The following VTI1A variants were observed in gnomAD, a reference collection of about 807,000 sequenced individuals.
VTI1A encodes the protein vesicle transport through interaction with t-SNAREs 1A, also known as vesicle transport through interaction with t-SNAREs homolog 1A.
VTI1A carries 22 observed loss-of-function variants against 34.9 expected under a neutral mutation model. The observed-to-expected ratio is 0.63, with a 90% CI of 0.45 to 0.90. The LOEUF is 0.90. Ranked by LOEUF, VTI1A falls within the 40% of genes least tolerant of loss-of-function variation. The probability of loss-of-function intolerance (pLI) is 0.00; values close to 1 mark genes in which losing one functional copy is unlikely to be tolerated. For synonymous variants in VTI1A, 87 were observed against 97.3 expected (o/e 0.89, Z 0.62); for missense variants, 268 against 275.6 (o/e 0.97, Z 0.20).
At chr10:112,737,072 CTTTTTCT>C in intron 7 of VTI1A, 6 of 389,182 alleles carry the variant, frequency 1.5e-5, no homozygotes, top group African/African-American at 2.1e-5. Flanking sequence ...CTTTTTTTTT[CTTTTTCT>C]TTTTTTTTTT....
rs1847837986 is a variant in VTI1A at position 112,464,642 on chromosome 10, ACTCGAAACAG to A, written c.250_259del (p.Leu84IlefsTer46). On this transcript the variant is annotated frameshift_variant, in exon 3 of 8. Transcript: ENST00000393077. LOFTEE classifies it high-confidence loss of function. ...GAAGCTACAAACAAGAAATGGGAAAACTCGAAACAGATTTTGTGAGTCAAATTCGACCCTT... is the reference window on the plus strand; with the variant it reads ...GAAGCTACAAACAAGAAATGGGAAAAATTTTGTGAGTCAAATTCGACCCTT... 3 of 1,611,192 alleles carry A rather than the reference ACTCGAAACAG, an allele frequency of 1.9e-6. No individual in the cohort carries two copies. The highest frequency in any genetic ancestry group is 2.5e-6 in the Non-Finnish European group (3 of 1,178,386).
chr10:112,784,045 C>A (rs1199313180), intron 7 of VTI1A, among the ~76,000 whole-genome samples: 2 of 152,202 alleles, frequency 1.3e-5, no homozygotes, highest in Non-Finnish European at 2.9e-5. Context: ...TGAATAATAT[C>A]TTTTAAAGCA....
chr10:112,545,993 CGTGTATACGCGTATGTGTGTGT>C (rs1161382437), intron 5 of VTI1A, among the ~76,000 whole-genome samples: 62 of 140,460 alleles, frequency 4.4e-4, no homozygotes, highest in Non-Finnish European at 6.3e-4. Context: ...TGTGTATATA[CGTGTATACGCGTATGTGTGTGT>C]ATATACGTGT....
At chr10:112,815,139 GCACACA>G (rs71489986) in intron 7 of VTI1A, 145 bp from the exon 8 acceptor site, 107 of 180,878 alleles carry the variant, frequency 5.9e-4, no homozygotes, top group East Asian at 8.4e-4. Flanking sequence ...TTTCGCGCGC[GCACACA>G]CACACACACA....
At chr10:112,489,220 G>A (rs11195973) in intron 3 of VTI1A, among the ~76,000 whole-genome samples, 1,921 of 152,284 alleles carry the variant, frequency 0.013, 29 homozygotes, top group Non-Finnish European at 0.019. Flanking sequence ...TACTCGAGTG[G>A]ATGATCCCTG....
chr10:112,555,855 T>C (rs1431331093), intron 5 of VTI1A, among the ~76,000 whole-genome samples: 2 of 152,034 alleles, frequency 1.3e-5, no homozygotes, highest in Non-Finnish European at 2.9e-5. Flanking sequence ...TTGGACATGG[T>C]GGTCATTTAT....
intron 1 of VTI1A, among the ~76,000 whole-genome samples, chr10:112,452,566 CAAAA>C (rs57884472): frequency 1.5e-5 from 2 of 134,738 alleles, no homozygotes; most frequent in Non-Finnish European, 1.6e-5. Flanking sequence ...GACTCTGTCT[CAAAA>C]AAAAAAAAAA....
chr10:112,849,639 C>T, the VTI1A span, among the ~76,000 whole-genome samples: 1 of 152,208 alleles, frequency 6.6e-6, no homozygotes, highest in Admixed American at 6.5e-5. Context: ...ATTCTTGTCA[C>T]TTTAAATTAA....
chr10:112,611,737 A>ATTTTTTCTTTTTTTTT (rs1845316474), intron 5 of VTI1A, among the ~76,000 whole-genome samples: 1 of 100,856 alleles, frequency 9.9e-6, no homozygotes, highest in African/African-American at 4.5e-5. Flanking sequence ...GAGAAAGGTA[A>ATTTTTTCTTTTTTTTT]TTTTTTTTTT....
chr10:112,777,099 G>T (rs1348888964), intron 7 of VTI1A, among the ~76,000 whole-genome samples: 1 of 152,110 alleles, frequency 6.6e-6, no homozygotes, highest in Non-Finnish European at 1.5e-5. Flanking sequence ...TCACTACGCT[G>T]ACTTTTACAT....
intron 7 of VTI1A, among the ~76,000 whole-genome samples, chr10:112,709,387 G>C (rs1376738427): frequency 4.6e-5 from 7 of 151,980 alleles, no homozygotes. Flanking sequence ...GGTGCTGTGG[G>C]CTGGCCTAGG....
At chr10:112,727,551 T>C (rs1256727536) in intron 7 of VTI1A, among the ~76,000 whole-genome samples, 2 of 152,130 alleles carry the variant, frequency 1.3e-5, no homozygotes, top group Admixed American at 1.3e-4. Context: ...GTGAAATAAA[T>C]AGAATAATCT....
intron 7 of VTI1A, among the ~76,000 whole-genome samples, chr10:112,732,711 T>C (rs1372397465): frequency 6.6e-6 from 1 of 152,188 alleles, no homozygotes; most frequent in Non-Finnish European, 1.5e-5. Flanking sequence ...TGTTAATTAA[T>C]CTTCCTGATG....
intron 7 of VTI1A, among the ~76,000 whole-genome samples, chr10:112,786,848 G>C (rs1220749442): frequency 3.3e-5 from 5 of 152,050 alleles, no homozygotes; most frequent in Admixed American, 2.0e-4. Flanking sequence ...TAAGAATTTT[G>C]GTGTCTGTGT....
At chr10:112,828,310 G>T in the VTI1A span, among the ~76,000 whole-genome samples, 1 of 152,110 alleles carries the variant, frequency 6.6e-6, no homozygotes, top group Non-Finnish European at 1.5e-5. Context: ...GGCACAGTCA[G>T]TTAGCGCACG....
intron 3 of VTI1A, among the ~76,000 whole-genome samples, chr10:112,476,357 A>G (rs1267951718): frequency 2.6e-5 from 4 of 152,204 alleles, no homozygotes; most frequent in Non-Finnish European, 5.9e-5. Flanking sequence ...TTAAAAGACA[A>G]ACCTTTTCCT....
At chr10:112,634,405 C>G (rs1159987293) in intron 5 of VTI1A, among the ~76,000 whole-genome samples, 2 of 151,576 alleles carry the variant, frequency 1.3e-5, no homozygotes, top group Non-Finnish European at 2.9e-5. Context: ...GATTGTGCCT[C>G]GAGTTTTAAG....
At chr10:112,783,883 G>T (rs143469995) in intron 7 of VTI1A, among the ~76,000 whole-genome samples, 1 of 152,104 alleles carries the variant, frequency 6.6e-6, no homozygotes, top group Non-Finnish European at 1.5e-5. Flanking sequence ...AACAAATGCC[G>T]AACAAGCACA....
chr10:112,487,526 C>T (rs532496078), intron 3 of VTI1A, among the ~76,000 whole-genome samples: 7 of 152,290 alleles, frequency 4.6e-5, no homozygotes, highest in African/African-American at 1.7e-4. Context: ...TCTTCCTGAC[C>T]CCCAAGCCTC....
Sources: allele counts gnomAD v4.1 joint callset (sites outside exome capture counted in the v4.1 genomes callset), GRCh38; gene constraint gnomAD v4.1.1; transcripts MANE v1.5; gene names NCBI Gene and HGNC (gene_info 2026-07-23, HGNC 2026-07-21).